Variants in HPSE2 observed in about 807,000 individuals in gnomAD.
HPSE2 encodes heparanase 2 (inactive).
Under a neutral mutation model 60.5 loss-of-function variants are expected in HPSE2, and 38 were observed. The ratio of observed to expected loss-of-function variants is 0.63; its 90% confidence interval spans 0.48 to 0.82. HPSE2 has a LOEUF of 0.82. HPSE2 is among the 40% of genes least tolerant of loss of function. The pLI, the probability that HPSE2 is intolerant of heterozygous loss-of-function variation, is 0.00. For missense variants in HPSE2, 713 were observed against 740.4 expected, an observed-to-expected ratio of 0.96 and a Z score of 0.43; for synonymous variants, 295 against 293.2, an observed-to-expected ratio of 1.01 and a Z score of -0.06.
intron 9 of HPSE2, among the ~76,000 whole-genome samples, chr10:98,555,038 T>C (rs1044363319): frequency 6.6e-6 from 1 of 152,182 alleles, no homozygotes; most frequent in African/African-American, 2.4e-5. Context: ...ATATAACTGT[T>C]AAGTAAAAAT....
At chr10:98,511,278 G>A (rs987746770) in intron 9 of HPSE2, among the ~76,000 whole-genome samples, 3 of 151,912 alleles carry the variant, frequency 2.0e-5, no homozygotes, top group African/African-American at 4.8e-5. Context: ...AGCCTCCAGA[G>A]TAGCTGGGAC....
At chr10:99,017,678 T>C (rs1957173508) in intron 3 of HPSE2, among the ~76,000 whole-genome samples, 1 of 152,194 alleles carries the variant, frequency 6.6e-6, no homozygotes, top group Non-Finnish European at 1.5e-5. Flanking sequence ...GTTGATAGCC[T>C]ATTTATTACT....
the HPSE2 span, among the ~76,000 whole-genome samples, chr10:99,278,202 GA>G: frequency 1.4e-4 from 21 of 151,138 alleles, no homozygotes; most frequent in African/African-American, 4.1e-4. Flanking sequence ...ATATGCATGT[GA>G]AAAAAAAGTT....
At chr10:98,482,519 C>T in intron 11 of HPSE2, 117 bp downstream of exon 11, 2 of 1,283,670 alleles carry the variant, frequency 1.6e-6, no homozygotes, top group Admixed American at 1.7e-5. Flanking sequence ...CGCTCTTTGT[C>T]CTACTCCATC....
At chr10:98,926,416 T>C (rs2135088294) in intron 3 of HPSE2, among the ~76,000 whole-genome samples, 1 of 152,258 alleles carries the variant, frequency 6.6e-6, no homozygotes, top group East Asian at 1.9e-4. Context: ...ACAATACAGC[T>C]AGGATTACCC....
rs140466797 is a variant in HPSE2, at chr10:98,971,795, T to C, written c.610+172443A>G. ...TTATAGACCCACATGAGAATTCCCGTGGGGGCATAAACACATAAGTGAAAT... is the reference window on the plus strand; with the variant it reads ...TTATAGACCCACATGAGAATTCCCGCGGGGGCATAAACACATAAGTGAAAT... On this transcript the variant is annotated intron_variant, in intron 3 of 11. Transcript: ENST00000370552. Among the ~76,000 whole-genome samples, 11 of 152,234 alleles carry C rather than the reference T, an allele frequency of 7.2e-5. 1 individual carries two copies. In the East Asian group the frequency reaches 7.7e-4, roughly 11 times the overall value.
chr10:99,020,317 T>C (rs1343028668), intron 3 of HPSE2, among the ~76,000 whole-genome samples: 2 of 152,198 alleles, frequency 1.3e-5, no homozygotes, highest in Non-Finnish European at 2.9e-5. Flanking sequence ...ATAAATTAAA[T>C]AACTATTCAA....
At chr10:99,188,466 G>T (rs909802817) in intron 2 of HPSE2, among the ~76,000 whole-genome samples, 18 of 152,272 alleles carry the variant, frequency 1.2e-4, no homozygotes, top group Admixed American at 9.2e-4. Context: ...GGAGGAGAAG[G>T]AACAGGAATT....
chr10:98,991,136 T>C (rs1371004323), intron 3 of HPSE2, among the ~76,000 whole-genome samples: 1 of 152,190 alleles, frequency 6.6e-6, no homozygotes, highest in Non-Finnish European at 1.5e-5. Flanking sequence ...CATCAAGTGT[T>C]ATAACACATA....
intron 6 of HPSE2, among the ~76,000 whole-genome samples, chr10:98,688,050 A>C (rs963566218): frequency 6.6e-6 from 1 of 151,678 alleles, no homozygotes; most frequent in Non-Finnish European, 1.5e-5. Context: ...AGGTTAATTC[A>C]GTATTTCTTA....
At chr10:99,168,467 T>G (rs934629320) in intron 2 of HPSE2, among the ~76,000 whole-genome samples, 5 of 152,250 alleles carry the variant, frequency 3.3e-5, no homozygotes, top group South Asian at 2.1e-4. Context: ...GAGATGTTCA[T>G]GAATTCACTA....
rs1216847113 is a variant in HPSE2 at position 98,932,053 on chromosome 10, C to A, written c.611-187997G>T. 3.5e-5 allele frequency among the ~76,000 whole-genome samples: 5 copies of A among 143,776 alleles called. 1 individual carries two copies. The highest frequency in any genetic ancestry group is 1.4e-4 in the African/African-American group (5 of 35,272). The allele number at this position is 143,776 out of a possible 152,430, so 94.3% of individuals were successfully genotyped here. On this transcript the variant is annotated intron_variant, in intron 3 of 11. Transcript: ENST00000370552. ...GGCATCCTTGTCTTGTGCCACTTTT[C>A]AAAGGGAATGCCTCCAGCTTTTGCC...
At chr10:99,176,090 C>T (rs779311905) in intron 2 of HPSE2, among the ~76,000 whole-genome samples, 1 of 152,144 alleles carries the variant, frequency 6.6e-6, no homozygotes, top group Non-Finnish European at 1.5e-5. Context: ...ACAAAAAGGA[C>T]ATCCACACAA....
At chr10:98,852,113 A>ATATATATATGTGTGTG (rs779720749) in intron 3 of HPSE2, among the ~76,000 whole-genome samples, 23 of 91,954 alleles carry the variant, frequency 2.5e-4, no homozygotes, top group South Asian at 1.0e-3. Context: ...GTATATTATG[A>ATATATATATGTGTGTG]TGTGTGTGTG....
At chr10:98,480,459 A>G (rs1293099427) in intron 11 of HPSE2, among the ~76,000 whole-genome samples, 3 of 152,132 alleles carry the variant, frequency 2.0e-5, no homozygotes, top group African/African-American at 7.2e-5. Flanking sequence ...AACATATGAC[A>G]TATCGCTAGC....
intron 3 of HPSE2, among the ~76,000 whole-genome samples, chr10:98,755,537 A>G (rs1440814184): frequency 6.6e-6 from 1 of 152,234 alleles, no homozygotes; most frequent in African/African-American, 2.4e-5. Context: ...TATCTGCAGA[A>G]CACTCCACCC....
intron 3 of HPSE2, among the ~76,000 whole-genome samples, chr10:99,113,753 C>T (rs1844565344): frequency 6.6e-6 from 1 of 151,678 alleles, no homozygotes; most frequent in South Asian, 2.1e-4. Flanking sequence ...TTTTTTAACT[C>T]TTTAAAATTT....
At chr10:98,848,479 C>T (rs549141531) in intron 3 of HPSE2, among the ~76,000 whole-genome samples, 1 of 151,858 alleles carries the variant, frequency 6.6e-6, no homozygotes, top group African/African-American at 2.4e-5. Context: ...AAGAGGAAAT[C>T]AGATCAAAGG....
chr10:98,476,519 G>C (rs907596993), intron 11 of HPSE2, among the ~76,000 whole-genome samples: 6 of 152,072 alleles, frequency 3.9e-5, no homozygotes, highest in Admixed American at 2.0e-4. Flanking sequence ...GGCCAGGCAT[G>C]GTGGCTCATG....
Sources: allele counts gnomAD v4.1 joint callset (sites outside exome capture counted in the v4.1 genomes callset), GRCh38; gene constraint gnomAD v4.1.1; transcripts MANE v1.5; gene names NCBI Gene and HGNC (gene_info 2026-07-23, HGNC 2026-07-21).